Variants in ERLEC1 observed in about 807,000 individuals in gnomAD.
ERLEC1 encodes the protein endoplasmic reticulum lectin 1.
Under a neutral mutation model 68.0 loss-of-function variants are expected in ERLEC1, and 47 were observed. That is an observed-to-expected ratio of 0.69 (90% CI 0.55 to 0.88). The LOEUF (loss-of-function observed/expected upper bound fraction) is 0.88, where lower values mean the gene tolerates loss of function less well. Among genes scored for constraint, ERLEC1 ranks in the 40% least tolerant of loss-of-function variants. ERLEC1 has a pLI of 0.00. For synonymous variants in ERLEC1, 225 were observed against 203.2 expected, an observed-to-expected ratio of 1.11 and a Z score of -0.91; for missense variants, 567 against 583.8, an observed-to-expected ratio of 0.97 and a Z score of 0.30.
chr2:53,809,408 C>T (rs1676469776), intron 10 of ERLEC1, 135 bp downstream of exon 10: 1 of 674,136 alleles, frequency 1.5e-6, no homozygotes, highest in African/African-American at 1.9e-5. Flanking sequence ...ATCAAAGTAT[C>T]TCCAAATTTT....
intron 11 of ERLEC1, among the ~76,000 whole-genome samples, chr2:53,813,758 TAAAAGTC>T (rs927235049): frequency 6.6e-6 from 1 of 152,182 alleles, no homozygotes; most frequent in Non-Finnish European, 1.5e-5. Flanking sequence ...TTCGGGCTGA[TAAAAGTC>T]AAAGTCAGCC....
At chr2:53,790,556 T>A (rs1261883989) in intron 1 of ERLEC1, among the ~76,000 whole-genome samples, 2 of 152,230 alleles carry the variant, frequency 1.3e-5, no homozygotes, top group Non-Finnish European at 2.9e-5. Context: ...CATTCAGATA[T>A]ATCAAAACAA....
intron 12 of ERLEC1, 54 bp from the exon 13 acceptor site, chr2:53,814,806 A>C: frequency 7.5e-7 from 1 of 1,335,858 alleles, no homozygotes; most frequent in Non-Finnish European, 1.1e-6. Context: ...AGTTATTAAC[A>C]GTGATCTTAC....
Position 53,787,144 on chromosome 2 carries a change from C to CAA in ERLEC1, c.-67_-66insAA. On this transcript the variant is annotated 5_prime_UTR_variant, in exon 1 of 14. Coordinates refer to ENST00000185150, the MANE Select transcript of ERLEC1 (RefSeq NM_015701.5). ...CCCGCCGCCTCCTCCTCCACCTCCT[C>CAA]CTCCTCCTCCTCTCCTCCTGGAGCA... The CAA allele has an allele frequency of 7.3e-7, 1 of 1,376,622 alleles. No homozygotes were observed. Among genetic ancestry groups the CAA allele is most frequent in the Non-Finnish European group, 9.6e-7 (1 of 1,044,812 alleles). The allele number at this position is 1,376,622 out of a possible 1,614,324, so 85.3% of individuals were successfully genotyped here.
chr2:53,791,017 A>C (rs1573061868), intron 1 of ERLEC1, among the ~76,000 whole-genome samples: 1 of 152,156 alleles, frequency 6.6e-6, no homozygotes, highest in Admixed American at 6.5e-5. Flanking sequence ...TTTTACTCAG[A>C]TTTTCCCAAG....
chr2:53,799,069 A>C lies in ERLEC1; in HGVS notation c.513A>C (p.Glu171Asp). 1 of 1,612,498 alleles carries C rather than the reference A, an allele frequency of 6.2e-7. No homozygotes were observed. The highest frequency in any genetic ancestry group is 8.5e-7 in the Non-Finnish European group (1 of 1,179,060). ...FEKEREAEEK[E>D]KSNEIPTKNI... ...CAGAACGAGAAGCAGAAGAAAAGGA[A>C]AAATCAAATGAGGCAAGTGACAGAT... is the stretch of plus-strand genomic sequence containing the variant. Residue 171 changes from glutamate to aspartate, a missense_variant, in exon 6 of 14, where the codon GAA (glutamate) becomes GAC (aspartate). Coordinates refer to ENST00000185150, the MANE Select transcript of ERLEC1 (RefSeq NM_015701.5).
chr2:53,804,879 G>A (rs569943298), intron 8 of ERLEC1, among the ~76,000 whole-genome samples: 1 of 151,472 alleles, frequency 6.6e-6, no homozygotes, highest in Admixed American at 6.6e-5. Flanking sequence ...TTGATTTTTA[G>A]ATCCCGTAAA....
chr2:53,798,064 A>G (rs2909263), intron 5 of ERLEC1, among the ~76,000 whole-genome samples: 80,158 of 151,714 alleles, frequency 0.53, 21,616 homozygotes, highest in African/African-American at 0.63. Flanking sequence ...GCGTGGTGGC[A>G]GACGCCTGTA....
rs1441605306 is a variant in ERLEC1, at chr2:53,808,488, T to C, written c.1041+28T>C. On this transcript the variant is annotated intron_variant, in intron 9 of 13. Transcript: ENST00000185150. ...GAGAAGTAAATCTTCAGTTTAAATA[T>C]TTATTTTACAACTTTACCTGCCAGG... 1.9e-6 allele frequency: 3 copies of C among 1,608,258 alleles called. No homozygotes were observed. The East Asian group carries it at 6.7e-5, about 36-fold the overall frequency.
intron 10 of ERLEC1, among the ~76,000 whole-genome samples, chr2:53,811,149 C>T (rs777941678): frequency 3.3e-5 from 5 of 152,186 alleles, no homozygotes; most frequent in Non-Finnish European, 7.3e-5. Flanking sequence ...GATTGCTCCA[C>T]GTCAGCAACA....
At chr2:53,798,684 G>A (rs955892144) in intron 5 of ERLEC1, among the ~76,000 whole-genome samples, 2 of 151,382 alleles carry the variant, frequency 1.3e-5, no homozygotes, top group Non-Finnish European at 2.9e-5. Flanking sequence ...CTTGGCTTAA[G>A]CAAAGTTATT....
intron 8 of ERLEC1, among the ~76,000 whole-genome samples, chr2:53,806,925 C>T (rs1028446027): frequency 2.0e-5 from 3 of 152,022 alleles, no homozygotes; most frequent in African/African-American, 7.2e-5. Context: ...TAATAATTAC[C>T]CTTTTCTCTA....
rs191651969 is a variant in ERLEC1, at chr2:53,794,969, G to A, written c.267+520G>A. On this transcript the variant is annotated intron_variant, in intron 2 of 13. Coordinates refer to ENST00000185150, the MANE Select transcript of ERLEC1 (RefSeq NM_015701.5). ...TGCCCGGCCGCAACCAATTATTAAC[G>A]TTTTGAATGAAAATCTAACTCCACA... Among the ~76,000 whole-genome samples the A allele has an allele frequency of 9.7e-4, 147 of 152,198 alleles. 1 individual carries two copies. The highest frequency in any genetic ancestry group is 3.1e-3 in the African/African-American group (130 of 41,538).
intron 9 of ERLEC1, 99 bp downstream of exon 9, chr2:53,808,559 A>G (rs1676424025): frequency 2.6e-6 from 3 of 1,166,930 alleles, no homozygotes; most frequent in Non-Finnish European, 3.6e-6. Context: ...TTTTCTCTAG[A>G]GAAATGACAG....
At chr2:53,787,483 T>G in intron 1 of ERLEC1, 111 bp downstream of exon 1, 11 of 1,284,344 alleles carry the variant, frequency 8.6e-6, no homozygotes, top group Non-Finnish European at 1.2e-5. Context: ...TGCAGACTCT[T>G]ACCTTCCCCA....
Position 53,801,722 on chromosome 2 carries a change from A to G in ERLEC1, c.759A>G (p.Ala253=). 1 of 1,614,112 alleles carries G rather than the reference A, an allele frequency of 6.2e-7. No individual in the cohort carries two copies. Among genetic ancestry groups the G allele is most frequent in the South Asian group, 1.1e-5 (1 of 91,076 alleles). The change falls in exon 8 of 14, where the codon GCA becomes GCG. Residue 253 remains alanine (A), a synonymous_variant. Coordinates refer to ENST00000185150, the MANE Select transcript of ERLEC1 (RefSeq NM_015701.5). ...LCSHPKYRFR[A]SPVNDIFCQS... ...TGTTCCTACTGAACAGGTTCAGAGC[A>G]TCTCCTGTGAATGACATATTTTGTC...
rs969320644 is a variant in ERLEC1 at position 53,794,692 on chromosome 2, A to G, written c.267+243A>G. Among the ~76,000 whole-genome samples the G allele has an allele frequency of 1.3e-4, 20 of 152,080 alleles. 1 individual carries two copies. Among genetic ancestry groups the G allele is most frequent in the Non-Finnish European group, 1.8e-4 (12 of 68,012 alleles). ...TTATTTTGAGACGAAGTCTCACTCT[A>G]TCGCCAGGCTGGAGGGCAGTGGCAC... On this transcript the variant is annotated intron_variant, in intron 2 of 13. Coordinates refer to ENST00000185150, the MANE Select transcript of ERLEC1 (RefSeq NM_015701.5).
chr2:53,800,005 T>A (rs779271807), intron 6 of ERLEC1, among the ~76,000 whole-genome samples: 3 of 152,108 alleles, frequency 2.0e-5, no homozygotes, highest in African/African-American at 7.2e-5. Context: ...GAGCCCCAGT[T>A]TATAAGCCAG....
chr2:53,791,905 T>TA (rs1675412212), intron 1 of ERLEC1, among the ~76,000 whole-genome samples: 1 of 123,316 alleles, frequency 8.1e-6, no homozygotes, highest in African/African-American at 3.2e-5. Flanking sequence ...TAATGCTCTT[T>TA]TAAAAAAAAA....
Sources: gnomAD v4.1 joint callset for allele counts (sites outside exome capture counted in the v4.1 genomes callset) on GRCh38, gnomAD v4.1.1 for gene constraint, MANE v1.5 for transcripts, NCBI Gene and HGNC (gene_info 2026-07-23, HGNC 2026-07-21) for gene names.